The following RGS6 variants were observed in gnomAD, a reference collection of about 807,000 sequenced individuals.
RGS6 encodes regulator of G-protein signaling 6.
A neutral mutation model predicts 78.5 loss-of-function variants in RGS6; 30 were observed. The ratio of observed to expected loss-of-function variants is 0.38; its 90% CI spans 0.29 to 0.52. RGS6 has a LOEUF of 0.52. Among genes scored for constraint, RGS6 ranks in the 20% least tolerant of loss-of-function variants. The pLI, the probability that RGS6 is intolerant of heterozygous loss-of-function variation, is 0.85. For synonymous variants in RGS6, 206 were observed against 206.0 expected, an observed-to-expected ratio of 1.00 and a Z score of 0.00; for missense variants, 495 against 609.7, an observed-to-expected ratio of 0.81 and a Z score of 1.98.
chr14:72,568,471 GAGGCTGT>G (rs1347231022), downstream of RGS6, among the ~76,000 whole-genome samples: 1 of 152,122 alleles, frequency 6.6e-6, no homozygotes, highest in Non-Finnish European at 1.5e-5. Flanking sequence ...CGCCAACCTC[GAGGCTGT>G]AGGCTTTGTT....
chr14:72,045,799 A>G (rs1051896505), intron 2 of RGS6, among the ~76,000 whole-genome samples: 1 of 151,910 alleles, frequency 6.6e-6, no homozygotes. Context: ...AGGCTCTGGT[A>G]AAGTCTTTTT....
chr14:71,981,992 G>A (rs1281522755), intron 2 of RGS6, among the ~76,000 whole-genome samples: 2 of 150,650 alleles, frequency 1.3e-5, no homozygotes, highest in Non-Finnish European at 3.0e-5. Flanking sequence ...CTCGTGGTGC[G>A]CCGTTTTTTA....
intron 1 of RGS6, among the ~76,000 whole-genome samples, chr14:71,950,468 C>T (rs1261528386): frequency 6.6e-6 from 1 of 151,986 alleles, no homozygotes; most frequent in Non-Finnish European, 1.5e-5. Context: ...CTATAAAAAC[C>T]CTAGAAGAAA....
chr14:71,955,415 G>A (rs893135341), intron 1 of RGS6, among the ~76,000 whole-genome samples: 5 of 152,166 alleles, frequency 3.3e-5, no homozygotes, highest in Admixed American at 6.5e-5. Context: ...GGGCAAGTCC[G>A]TAGAGTAAAC....
intron 15 of RGS6, among the ~76,000 whole-genome samples, chr14:72,534,075 T>C (rs1351984623): frequency 6.6e-6 from 1 of 152,208 alleles, no homozygotes; most frequent in African/African-American, 2.4e-5. Context: ...GAAGAGTCAA[T>C]TGATGCGACA....
the RGS6 span, among the ~76,000 whole-genome samples, chr14:72,583,718 G>A: frequency 6.6e-6 from 1 of 152,016 alleles, no homozygotes; most frequent in African/African-American, 2.4e-5. Flanking sequence ...GGCCTCACGG[G>A]GTCTCTTTTA....
the RGS6 span, among the ~76,000 whole-genome samples, chr14:72,629,906 A>C: frequency 0.47 from 71,643 of 152,000 alleles, 17,485 homozygotes; most frequent in East Asian, 0.83. Flanking sequence ...TTCACCACCC[A>C]GTTATTCAGA....
In RGS6 at chr14:72,564,161, C is replaced by T. The variant is rs561263887; in HGVS notation, c.*1694C>T. On this transcript the variant is annotated 3_prime_UTR_variant, in exon 18 of 18. Coordinates refer to ENST00000553525, the MANE Select transcript of RGS6 (RefSeq NM_001204424.2). ...CTTCTGTCCCTCACAGCAGTGCCAT[C>T]GCGGGCATTAGGAGTCTTCGTTATG... The T allele has an allele frequency of 1.7e-3, 264 of 152,396 alleles. No individual in the cohort carries two copies. Among genetic ancestry groups the T allele is most frequent in the Middle Eastern group, 3.4e-3 (1 of 294 alleles). 9.4% of individuals were successfully genotyped at this position (152,396 alleles called of 1,614,324 possible). A position where few individuals can be genotyped will look rare whatever the true frequency, so the allele number is the denominator to read the frequency against.
chr14:72,479,300 A>G (rs1192435117), intron 12 of RGS6, among the ~76,000 whole-genome samples: 1 of 152,212 alleles, frequency 6.6e-6, no homozygotes, highest in Non-Finnish European at 1.5e-5. Context: ...TTCAGGGGCT[A>G]AGGACATCCC....
chr14:72,346,803 C>T lies in RGS6; in HGVS notation c.85-5292C>T, dbSNP rs141930568. The stretch of plus-strand genomic sequence containing the variant: ...CCATGTTCTTCCTACTGCCCCTCTG[C>T]GGCTTCCATTTGTAAAGAGAGGATT... On this transcript the variant is annotated intron_variant, in intron 2 of 17. Coordinates refer to ENST00000553525, the MANE Select transcript of RGS6 (RefSeq NM_001204424.2). Among the ~76,000 whole-genome samples the T allele has an allele frequency of 3.9e-3, 599 of 152,336 alleles. 4 individuals carry two copies. The highest frequency in any genetic ancestry group is 0.01 in the Admixed American group (155 of 15,302).
At chr14:72,394,827 A>G (rs1281644863) in intron 3 of RGS6, among the ~76,000 whole-genome samples, 1 of 152,242 alleles carries the variant, frequency 6.6e-6, no homozygotes, top group Non-Finnish European at 1.5e-5. Context: ...AAGAAATCAC[A>G]AGAATATTGA....
At chr14:71,973,650 A>T (rs2093944136) in intron 2 of RGS6, among the ~76,000 whole-genome samples, 2 of 152,222 alleles carry the variant, frequency 1.3e-5, no homozygotes, top group Non-Finnish European at 2.9e-5. Context: ...GTGCCACCGC[A>T]CTCCAGCCTG....
chr14:72,383,473 C>A (rs566987737), intron 3 of RGS6, among the ~76,000 whole-genome samples: 1 of 151,950 alleles, frequency 6.6e-6, no homozygotes, highest in African/African-American at 2.4e-5. Context: ...TTGTGTGTCT[C>A]ACCCACACTG....
chr14:71,978,389 A>G (rs8019175), intron 2 of RGS6, among the ~76,000 whole-genome samples: 61,078 of 70,600 alleles, frequency 0.87, 26,826 homozygotes, highest in East Asian at 0.99. Context: ...GTATGATATT[A>G]GCTGTGGGTT....
chr14:72,165,051 C>T (rs1398778424), intron 2 of RGS6, among the ~76,000 whole-genome samples: 2 of 152,126 alleles, frequency 1.3e-5, no homozygotes, highest in African/African-American at 4.8e-5. Context: ...GTCTAAGGGG[C>T]ACTTACTTCA....
At chr14:72,073,433 A>G (rs2094473467) in intron 2 of RGS6, among the ~76,000 whole-genome samples, 1 of 152,252 alleles carries the variant, frequency 6.6e-6, no homozygotes, top group Admixed American at 6.5e-5. Context: ...TAGGTTATAC[A>G]TACATTTAAG....
the RGS6 span, among the ~76,000 whole-genome samples, chr14:71,898,464 A>G: frequency 6.6e-6 from 1 of 152,346 alleles, no homozygotes; most frequent in South Asian, 2.1e-4. Context: ...TCATGTGGCT[A>G]TGTACAATAG....
the RGS6 span, among the ~76,000 whole-genome samples, chr14:72,628,150 A>T: frequency 3.3e-5 from 5 of 152,250 alleles, no homozygotes; most frequent in African/African-American, 1.2e-4. Context: ...ATAGTGTCGA[A>T]TCATAGTTAT....
intron 2 of RGS6, among the ~76,000 whole-genome samples, chr14:72,323,451 A>G (rs1047144382): frequency 1.3e-5 from 2 of 152,024 alleles, no homozygotes; most frequent in African/African-American, 2.4e-5. Flanking sequence ...AAAAAAAACA[A>G]TAGAATCTAC....
Sources: gnomAD v4.1 joint callset for allele counts (sites outside exome capture counted in the v4.1 genomes callset) on GRCh38, gnomAD v4.1.1 for gene constraint, MANE v1.5 for transcripts, NCBI Gene and HGNC (gene_info 2026-07-23, HGNC 2026-07-21) for gene names.